ISG20: variants seen among roughly 807,000 people sequenced by gnomAD.
ISG20 encodes the protein interferon stimulated exonuclease gene 20.
In ISG20, 8 loss-of-function variants were observed where a neutral mutation model predicts 11.1. The observed-to-expected ratio is 0.72, with a 90% CI of 0.42 to 1.30. The LOEUF (loss-of-function observed/expected upper bound fraction) is 1.30. Among genes scored for constraint, ISG20 ranks in the 50% most tolerant of loss-of-function variants. The probability of loss-of-function intolerance (pLI) is 0.01; values close to 1 mark genes in which losing one functional copy is unlikely to be tolerated. For synonymous variants in ISG20, 110 were observed against 101.7 expected, an observed-to-expected ratio of 1.08 and a Z score of -0.49; for missense variants, 243 against 250.2, an observed-to-expected ratio of 0.97 and a Z score of 0.19.
At position 88,650,296 on chromosome 15, in the gene ISG20, C is replaced by T. The variant is rs1567120921; in HGVS notation, c.229-1814C>T. 6.5e-7 allele frequency: 1 copy of T among 1,535,570 alleles called. No homozygotes were observed. Among genetic ancestry groups the T allele is most frequent in the Non-Finnish European group, 8.7e-7 (1 of 1,146,842 alleles). On this transcript the variant is annotated intron_variant, in intron 2 of 3. Transcript: ENST00000306072. This position sits in a 1 kb window ranked among gnomAD's most constrained non-coding sequence, Gnocchi z 4.0. ...AAGCAAGCTGACTGGCCTGTGTGAC[C>T]AGAGCAGGGCAGGCTGTCCATGTGG...
At chr15:88,645,211 T>G (rs1372956796) in intron 2 of ISG20, among the ~76,000 whole-genome samples, 1 of 152,178 alleles carries the variant, frequency 6.6e-6, no homozygotes, top group East Asian at 1.9e-4. Context: ...CAGCAAGTTA[T>G]TGAACCTTTC....
At chr15:88,646,671 A>G (rs982772938) in intron 2 of ISG20, among the ~76,000 whole-genome samples, 2 of 152,210 alleles carry the variant, frequency 1.3e-5, no homozygotes, top group Non-Finnish European at 2.9e-5. Context: ...AGGGCCCCCA[A>G]AGGGCAGAAG....
chr15:88,642,118 G>A (rs879885880), intron 2 of ISG20, among the ~76,000 whole-genome samples: 3 of 151,796 alleles, frequency 2.0e-5, no homozygotes, highest in East Asian at 1.9e-4. Context: ...TAGTAGAGAC[G>A]GGGTTTCGCC....
Position 88,650,123 on chromosome 15 carries a change from G to A in ISG20, c.229-1987G>A. Reference sequence around the variant, plus strand: ...TCCTGGTGTACAGGCTAAGGTCGTGGGCTACATGCAGAGAAGGAGACGAAG... The same window carrying A: ...TCCTGGTGTACAGGCTAAGGTCGTGAGCTACATGCAGAGAAGGAGACGAAG... On this transcript the variant is annotated intron_variant, in intron 2 of 3. Coordinates refer to ENST00000306072, the MANE Select transcript of ISG20 (RefSeq NM_002201.6). The surrounding 1 kb of genome is among the most constrained non-coding windows in gnomAD (Gnocchi z 4.0). 2.3e-6 allele frequency: 2 copies of A among 852,238 alleles called. No homozygotes were observed. Among genetic ancestry groups the A allele is most frequent in the Non-Finnish European group, 3.8e-6 (2 of 525,670 alleles). 52.8% of individuals were successfully genotyped at this position (852,238 alleles called of 1,614,324 possible).
In ISG20 at chr15:88,639,379, C is replaced by G; in HGVS notation, c.13C>G (p.Arg5Gly). Reference protein sequence around the residue: MAGSREVVAMDCEMV... With the variant: MAGSGEVVAMDCEMV... ...GTCCCCAAGGAACATGGCTGGGAGC[C>G]GTGAGGTGGTGGCCATGGACTGCGA... The change falls in exon 2 of 4, where the codon CGT becomes GGT. Residue 5 changes from arginine (R) to glycine (G), a missense_variant. By Grantham distance (125) the Arg-to-Gly change is moderately radical. Transcript: ENST00000306072. This position sits in a 1 kb window ranked among gnomAD's most constrained non-coding sequence, Gnocchi z 4.2. The G allele has an allele frequency of 6.2e-7, 1 of 1,609,266 alleles. No individual in the cohort carries two copies. The highest frequency in any genetic ancestry group is 8.5e-7 in the Non-Finnish European group (1 of 1,177,696).
chr15:88,644,076 G>T (rs73465636), intron 2 of ISG20, among the ~76,000 whole-genome samples: 1,840 of 152,328 alleles, frequency 0.012, 43 homozygotes, highest in African/African-American at 0.042. Context: ...CGTGAAGCTG[G>T]TGGTATTTGA....
Position 88,655,565 on chromosome 15 carries a change from G to T in ISG20, c.*34G>T, listed in dbSNP as rs1446473285. ...CCAGCCCGTTCCGCAGGGACTAGAG[G>T]CTTTCGGCTTTTTGGGACAGCAACT... On this transcript the variant is annotated 3_prime_UTR_variant, in exon 4 of 4. Coordinates refer to ENST00000306072, the MANE Select transcript of ISG20 (RefSeq NM_002201.6). The T allele has an allele frequency of 1.3e-6, 2 of 1,519,912 alleles. No individual in the cohort carries two copies. Among genetic ancestry groups the T allele is most frequent in the Non-Finnish European group, 1.8e-6 (2 of 1,115,308 alleles). The allele number at this position is 1,519,912 out of a possible 1,614,324, so 94.2% of individuals were successfully genotyped here.
rs955595058 is a variant in ISG20, at chr15:88,643,691, C to A, written c.228+4097C>A. On this transcript the variant is annotated intron_variant, in intron 2 of 3. Transcript: ENST00000306072. This position sits in a 1 kb window ranked among gnomAD's most constrained non-coding sequence, Gnocchi z 4.4. Reference sequence around the variant, plus strand: ...TGCCACTCCAGCCTGGGCGACAGAGCAAGACCCCATCTCAAAAAAAGAAAA... The same window carrying A: ...TGCCACTCCAGCCTGGGCGACAGAGAAAGACCCCATCTCAAAAAAAGAAAA... 1.2e-4 allele frequency among the ~76,000 whole-genome samples: 18 copies of A among 152,230 alleles called. No homozygotes were observed. In the South Asian group the frequency reaches 3.1e-3, roughly 26 times the overall value.
Position 88,650,334 on chromosome 15 carries a change from G to A in ISG20, c.229-1776G>A, listed in dbSNP as rs1430286406. ...GCTGTCCATGTGGGAGGCGAGGCGA[G>A]GAACGCGGGGCTGGGGCAGTCACAG... On this transcript the variant is annotated intron_variant, in intron 2 of 3. Coordinates refer to ENST00000306072, the MANE Select transcript of ISG20 (RefSeq NM_002201.6). This position sits in a 1 kb window ranked among gnomAD's most constrained non-coding sequence, Gnocchi z 4.0. 6.5e-7 allele frequency: 1 copy of A among 1,535,366 alleles called. No individual in the cohort carries two copies. Among genetic ancestry groups the A allele is most frequent in the East Asian group, 2.4e-5 (1 of 40,912 alleles).
At chr15:88,640,633 G>T (rs1407356027) in intron 2 of ISG20, among the ~76,000 whole-genome samples, 1 of 152,168 alleles carries the variant, frequency 6.6e-6, no homozygotes, top group Admixed American at 6.5e-5. Context: ...GATTGAGAAA[G>T]GGTCTAGATA....
chr15:88,642,292 G>A (rs2058095116), intron 2 of ISG20, among the ~76,000 whole-genome samples: 1 of 152,136 alleles, frequency 6.6e-6, no homozygotes, highest in African/African-American at 2.4e-5. Flanking sequence ...CTACTCCAGT[G>A]TGACTTCATC....
chr15:88,650,554 A>T lies in ISG20; in HGVS notation c.229-1556A>T. The stretch of plus-strand genomic sequence containing the variant: ...AAACTTACCGGTTCAAACAATGTCA[A>T]TACTTATTTCGCTCGGCCACCTGCA... On this transcript the variant is annotated intron_variant, in intron 2 of 3. Coordinates refer to ENST00000306072, the MANE Select transcript of ISG20 (RefSeq NM_002201.6). The surrounding 1 kb of genome is among the most constrained non-coding windows in gnomAD (Gnocchi z 4.0). The T allele has an allele frequency of 9.4e-7, 1 of 1,059,150 alleles. No individual in the cohort carries two copies. The highest frequency in any genetic ancestry group is 1.7e-5 in the South Asian group (1 of 59,802). 65.6% of individuals were successfully genotyped at this position (1,059,150 alleles called of 1,614,324 possible). A position where few individuals can be genotyped will look rare whatever the true frequency, so the allele number is the denominator to read the frequency against.
upstream of ISG20, chr15:88,639,002 C>G (rs1454871140): frequency 1.2e-5 from 4 of 320,744 alleles, no homozygotes; most frequent in Admixed American, 1.9e-4. This position sits in a 1 kb window ranked among gnomAD's most constrained non-coding sequence, Gnocchi z 4.2. Context: ...GATGAGTCAC[C>G]GCTGAGAGCA....
chr15:88,644,010 C>T (rs2058126165), intron 2 of ISG20, among the ~76,000 whole-genome samples: 2 of 152,084 alleles, frequency 1.3e-5, no homozygotes, highest in South Asian at 4.1e-4. Flanking sequence ...ATCAACAGTA[C>T]AGTGTGGGAA....
In ISG20 at chr15:88,641,926, C is replaced by CTTTTTTTTTTTT. The variant is rs140178121; in HGVS notation, c.228+2348_228+2359dup. On this transcript the variant is annotated intron_variant, in intron 2 of 3. Transcript: ENST00000306072. ...AGCCACTGCACCTGGTTAGCTTCCT[C>CTTTTTTTTTTTT]TTTTTTTTTTTTTTTTTTTTTTTTT... 1.7e-4 allele frequency among the ~76,000 whole-genome samples: 17 copies of CTTTTTTTTTTTT among 102,852 alleles called. 1 individual carries two copies. Among genetic ancestry groups the CTTTTTTTTTTTT allele is most frequent in the Admixed American group, 6.6e-4 (6 of 9,042 alleles). 67.5% of individuals were successfully genotyped at this position (102,852 alleles called of 152,430 possible). A position where few individuals can be genotyped will look rare whatever the true frequency, so the allele number is the denominator to read the frequency against.
chr15:88,641,860 C>T lies in ISG20; in HGVS notation c.228+2266C>T, dbSNP rs145183242. ...TTGGCCAGGCTAGACTCAAGCGATC[C>T]GCCTGCCTTGGCCTCCCAAAGTGCT... On this transcript the variant is annotated intron_variant, in intron 2 of 3. Coordinates refer to ENST00000306072, the MANE Select transcript of ISG20 (RefSeq NM_002201.6). 4.8e-3 allele frequency among the ~76,000 whole-genome samples: 734 copies of T among 151,436 alleles called. 3 individuals carry two copies. Among genetic ancestry groups the T allele is most frequent in the African/African-American group, 0.017 (693 of 41,260 alleles).
rs777021658 is a variant in ISG20, at chr15:88,639,539, G to A, written c.173G>A (p.Gly58Glu). Reference protein sequence around the residue: ...EITDYRTRVSGVTPQHMVGAT... With the variant: ...EITDYRTRVSEVTPQHMVGAT... ...ACCGATTACAGAACCCGGGTCAGCG[G>A]GGTCACCCCTCAGCACATGGTGGGG... The change falls in exon 2 of 4, where the codon GGG becomes GAG. Residue 58 changes from glycine (G) to glutamate (E), a missense_variant. Coordinates refer to ENST00000306072, the MANE Select transcript of ISG20 (RefSeq NM_002201.6). The surrounding 1 kb of genome is among the most constrained non-coding windows in gnomAD (Gnocchi z 4.2). 2 of 1,614,158 alleles carry A rather than the reference G, an allele frequency of 1.2e-6. No homozygotes were observed. Among genetic ancestry groups the A allele is most frequent in the African/African-American group, 1.3e-5 (1 of 75,018 alleles).
chr15:88,651,900 G>C, intron 2 of ISG20: 1 of 1,407,286 alleles, frequency 7.1e-7, no homozygotes, highest in South Asian at 1.5e-5. Flanking sequence ...AGTCCAGGTG[G>C]GCTTTTGGCA....
chr15:88,646,846 C>G (rs534544227), intron 2 of ISG20: 1 of 152,340 alleles, frequency 6.6e-6, no homozygotes, highest in Non-Finnish European at 1.5e-5. Context: ...TCTTGGCTCA[C>G]TGCAACCTCC....
Sources: gnomAD v4.1 joint callset for allele counts (sites outside exome capture counted in the v4.1 genomes callset) on GRCh38, gnomAD v4.1.1 for gene constraint, Gnocchi (gnomAD v3.1) non-coding constraint, MANE v1.5 for transcripts, NCBI Gene and HGNC (gene_info 2026-07-23, HGNC 2026-07-21) for gene names.